PROB1: variants seen among roughly 807,000 people sequenced by gnomAD.
The protein encoded by PROB1 is proline-rich basic protein 1.
For missense variants in PROB1, 1,453 were observed against 1,485.7 expected (o/e 0.98, Z 0.36); for synonymous variants, 660 against 699.3 (o/e 0.94, Z 0.89).
Position 139,393,302 on chromosome 5 carries a change from G to C in PROB1, c.1780C>G (p.Pro594Ala). ...VAAPEPPGSH[P>A]VGTLDADKCP... ...TTATCCGCGTCCAGGGTGCCCACAG[G>C]GTGGCTGCCGGGCGGCTCGGGTGCT... Residue 594 changes from proline (P) to alanine (A), a missense_variant, in exon 1 of 1, where the codon CCT (proline) becomes GCT (alanine). Physicochemically the swap from Pro to Ala is conservative, Grantham distance 27. Transcript: ENST00000434752. 1 of 1,550,620 alleles carries C rather than the reference G, an allele frequency of 6.4e-7. No homozygotes were observed. The highest frequency in any genetic ancestry group is 2.4e-5 in the East Asian group (1 of 40,922).
chr5:139,391,730 A>G lies in PROB1; in HGVS notation c.*304T>C, dbSNP rs1758603452. 3.5e-6 allele frequency: 1 copy of G among 286,124 alleles called. No individual in the cohort carries two copies. Among genetic ancestry groups the G allele is most frequent in the Non-Finnish European group, 6.5e-6 (1 of 154,012 alleles). The allele number at this position is 286,124 out of a possible 1,614,324, so 17.7% of individuals were successfully genotyped here. A position where few individuals can be genotyped will look rare whatever the true frequency, so the allele number is the denominator to read the frequency against. On this transcript the variant is annotated 3_prime_UTR_variant, in exon 1 of 1. Transcript: ENST00000434752. This position sits in a 1 kb window ranked among gnomAD's most constrained non-coding sequence, Gnocchi z 4.8. The stretch of plus-strand genomic sequence containing the variant: ...AGCCCAGGGATGCCTCACTTTCCCT[A>G]TTTGCTTGCCCGCATATACACATAT...
rs1383768923 is a variant in PROB1, at chr5:139,395,082, G to A, written c.-1C>T. The A allele has an allele frequency of 6.4e-6, 9 of 1,399,878 alleles. No individual in the cohort carries two copies. The East Asian group carries it at 2.7e-4, about 42-fold the overall frequency. 86.7% of individuals were successfully genotyped at this position (1,399,878 alleles called of 1,614,324 possible). On this transcript the variant is annotated 5_prime_UTR_variant, in exon 1 of 1. Coordinates refer to ENST00000434752, the MANE Select transcript of PROB1 (RefSeq NM_001161546.2). ...CTGGCGGGGCGAGCGCGGTCAGCAT[G>A]GTGGGGCCGGACGCCGTGCACTATC...
Position 139,393,627 on chromosome 5 carries a change from T to C in PROB1, c.1455A>G (p.Ala485=). The C allele has an allele frequency of 6.5e-7, 1 of 1,548,884 alleles. No individual in the cohort carries two copies. Among genetic ancestry groups the C allele is most frequent in the Non-Finnish European group, 8.7e-7 (1 of 1,146,346 alleles). The change falls in exon 1 of 1, where the codon GCA becomes GCG. Residue 485 remains alanine, a synonymous_variant. Transcript: ENST00000434752. ...APSLWEIPHS[A]VADAVEPRSS... is the part of the protein sequence containing the mutation. ...TACGTGGCTCCACCGCATCCGCGAC[T>C]GCCGAATGTGGAATCTCCCACAGGG...
In PROB1 at chr5:139,393,508, A is replaced by G. The variant is rs1284638648; in HGVS notation, c.1574T>C (p.Met525Thr). 3.9e-6 allele frequency: 6 copies of G among 1,551,366 alleles called. No individual in the cohort carries two copies. In the African/African-American group the frequency reaches 6.8e-5, roughly 18 times the overall value. The change falls in exon 1 of 1, where the codon ATG (methionine) becomes ACG (threonine). Residue 525 changes from methionine (M) to threonine (T), a missense_variant. Met to Thr is a moderately conservative substitution (Grantham distance 81). Transcript: ENST00000434752. ...GPSPQETWDP[M>T]GPGSSIAFTQ... ...AAATGCTATCGATGAGCCCGGCCCC[A>G]TGGGATCCCATGTCTCTTGGGGAGA... is the stretch of plus-strand genomic sequence containing the variant.
In PROB1 at chr5:139,394,942, C is replaced by T; in HGVS notation, c.140G>A (p.Gly47Glu). ...APGSPEPPDV[G>E]PDAKGPANWP... The stretch of plus-strand genomic sequence containing the variant: ...ATTCGCTGGGCCTTTCGCGTCCGGC[C>T]CAACGTCCGGGGGCTCCGGAGAACC... Residue 47 changes from glycine to glutamate, a missense_variant, in exon 1 of 1, where the codon GGG (glycine) becomes GAG (glutamate). By Grantham distance (98) the Gly-to-Glu change is moderately conservative (BLOSUM62 -2). Transcript: ENST00000434752. 2.6e-6 allele frequency: 4 copies of T among 1,521,312 alleles called. No homozygotes were observed. The highest frequency in any genetic ancestry group is 3.5e-6 in the Non-Finnish European group (4 of 1,135,936). 94.2% of individuals were successfully genotyped at this position (1,521,312 alleles called of 1,614,324 possible).
In PROB1 at chr5:139,390,953, C is replaced by T. The variant is rs1031718415; in HGVS notation, c.*1081G>A. 1 of 152,416 alleles carries T rather than the reference C, an allele frequency of 6.6e-6. No homozygotes were observed. Among genetic ancestry groups the T allele is most frequent in the Non-Finnish European group, 1.5e-5 (1 of 68,196 alleles). The allele number at this position is 152,416 out of a possible 1,614,324, so 9.4% of individuals were successfully genotyped here. On this transcript the variant is annotated 3_prime_UTR_variant, in exon 1 of 1. Coordinates refer to ENST00000434752, the MANE Select transcript of PROB1 (RefSeq NM_001161546.2). ...ACAGACCCCCACGCACACCACCTCC[C>T]ACCTCATGCAGACCCCCCTCATCTC...
chr5:139,392,101 A>G lies in PROB1; in HGVS notation c.2981T>C (p.Leu994Pro). Residue 994 changes from leucine to proline, a missense_variant, in exon 1 of 1, where the codon CTC becomes CCC. By Grantham distance (98) the Leu-to-Pro change is moderately conservative (BLOSUM62 -3). Coordinates refer to ENST00000434752, the MANE Select transcript of PROB1 (RefSeq NM_001161546.2). This position sits in a 1 kb window ranked among gnomAD's most constrained non-coding sequence, Gnocchi z 5.8. ...SGTPNPAPPL[L>P]LCAPPSSSGP... The stretch of plus-strand genomic sequence containing the variant: ...TGAGCTGGAGGGCGGCGCACAGAGG[A>G]GCAGAGGAGGTGCGGGGTTGGGGGT... 7.1e-7 allele frequency: 1 copy of G among 1,417,836 alleles called. No individual in the cohort carries two copies. Among genetic ancestry groups the G allele is most frequent in the South Asian group, 1.6e-5 (1 of 64,356 alleles). The allele number at this position is 1,417,836 out of a possible 1,614,324, so 87.8% of individuals were successfully genotyped here.
Position 139,394,604 on chromosome 5 carries a change from C to T in PROB1, c.478G>A (p.Val160Ile), listed in dbSNP as rs1001682220. Reference protein sequence around the residue: ...SPAAVPRQSQVPDGGSRWATY... With the variant: ...SPAAVPRQSQIPDGGSRWATY... ...GCCCAGCGGGAGCCACCATCGGGGACCTGGGACTGGCGTGGGACCGCGGCG... is the reference window on the plus strand; with the variant it reads ...GCCCAGCGGGAGCCACCATCGGGGATCTGGGACTGGCGTGGGACCGCGGCG... Residue 160 changes from valine to isoleucine, a missense_variant, in exon 1 of 1, where the codon GTC (valine) becomes ATC (isoleucine). Physicochemically the swap from Val to Ile is conservative, Grantham distance 29. Coordinates refer to ENST00000434752, the MANE Select transcript of PROB1 (RefSeq NM_001161546.2). 3 of 1,532,472 alleles carry T rather than the reference C, an allele frequency of 2.0e-6. No individual in the cohort carries two copies. The African/African-American group carries it at 4.2e-5, about 21-fold the overall frequency. The allele number at this position is 1,532,472 out of a possible 1,614,324, so 94.9% of individuals were successfully genotyped here.
Position 139,393,057 on chromosome 5 carries a change from G to C in PROB1, c.2025C>G (p.Ala675=). ...TQEPPALGPP[A]PAHYTSVFIK... ...TGAAAACGGAAGTGTAGTGAGCCGG[G>C]GCGGGGGGCCCCAGTGCTGGCGGCT... is the stretch of plus-strand genomic sequence containing the variant. The change falls in exon 1 of 1, where the codon GCC becomes GCG. Residue 675 remains alanine, a synonymous_variant. Transcript: ENST00000434752. The C allele has an allele frequency of 6.5e-7, 1 of 1,532,264 alleles. No individual in the cohort carries two copies. The highest frequency in any genetic ancestry group is 8.8e-7 in the Non-Finnish European group (1 of 1,138,440). 94.9% of individuals were successfully genotyped at this position (1,532,264 alleles called of 1,614,324 possible). A position where few individuals can be genotyped will look rare whatever the true frequency, so the allele number is the denominator to read the frequency against.
rs960225048 is a variant in PROB1 at position 139,392,684 on chromosome 5, G to T, written c.2398C>A (p.Arg800Ser). The T allele has an allele frequency of 1.2e-5, 17 of 1,394,656 alleles. No individual in the cohort carries two copies. Among genetic ancestry groups the T allele is most frequent in the Non-Finnish European group, 1.6e-5 (17 of 1,074,210 alleles). The allele number at this position is 1,394,656 out of a possible 1,614,324, so 86.4% of individuals were successfully genotyped here. A position where few individuals can be genotyped will look rare whatever the true frequency, so the allele number is the denominator to read the frequency against. ...GCTTGCATCTGAGGGGAGCCGGGGC[G>T]GGGCGATCGGACCCCTGCTGGCCCT... The part of the protein sequence containing the change: ...PVGPAGVRSP[R>S]PGSPQMQASP... Residue 800 changes from arginine (R) to serine (S), a missense_variant, in exon 1 of 1, where the codon CGC becomes AGC. Transcript: ENST00000434752. This position sits in a 1 kb window ranked among gnomAD's most constrained non-coding sequence, Gnocchi z 5.8.
Position 139,392,306 on chromosome 5 carries a change from GC to G in PROB1, c.2775del (p.His927ThrfsTer57). On this transcript the variant is annotated frameshift_variant, in exon 1 of 1. Coordinates refer to ENST00000434752, the MANE Select transcript of PROB1 (RefSeq NM_001161546.2). LOFTEE classifies it low-confidence loss of function (END_TRUNC). The surrounding 1 kb of genome is among the most constrained non-coding windows in gnomAD (Gnocchi z 5.8). The stretch of plus-strand genomic sequence containing the variant: ...GCCAGAGGGGTGTAGACGCGGTGGG[GC>G]GGCCCGGGAGACGAGGGCGGCAGCA... The part of the protein sequence containing the change: ...EVLLPPSSPG[P>X]PHRVYTPLAL... 6.7e-7 allele frequency: 1 copy of G among 1,496,060 alleles called. No individual in the cohort carries two copies. Among genetic ancestry groups the G allele is most frequent in the Admixed American group, 2.1e-5 (1 of 46,810 alleles). The allele number at this position is 1,496,060 out of a possible 1,614,324, so 92.7% of individuals were successfully genotyped here.
Position 139,392,356 on chromosome 5 carries a change from T to A in PROB1, c.2726A>T (p.Glu909Val). Residue 909 changes from glutamate to valine, a missense_variant, in exon 1 of 1, where the codon GAG (glutamate) becomes GTG (valine). Coordinates refer to ENST00000434752, the MANE Select transcript of PROB1 (RefSeq NM_001161546.2). This position sits in a 1 kb window ranked among gnomAD's most constrained non-coding sequence, Gnocchi z 5.8. ...QPRLRVLFDP[E>V]SGQYVEVLLP... The stretch of plus-strand genomic sequence containing the variant: ...CAACACCTCCACGTACTGCCCACTC[T>A]CAGGGTCGAAGAGCACCCGCAGCCG... 6.5e-7 allele frequency: 1 copy of A among 1,529,610 alleles called. No homozygotes were observed. The highest frequency in any genetic ancestry group is 8.8e-7 in the Non-Finnish European group (1 of 1,139,300). The allele number at this position is 1,529,610 out of a possible 1,614,324, so 94.8% of individuals were successfully genotyped here.
In PROB1 at chr5:139,393,201, C is replaced by G; in HGVS notation, c.1881G>C (p.Val627=). ...PRMAIPRPRD[V]RKLVKTTYAP... ...CGTACGTGGTCTTCACCAACTTGCG[C>G]ACGTCTCGAGGCCGCGGAATGGCCA... The change falls in exon 1 of 1, where the codon GTG becomes GTC. Residue 627 remains valine (V), a synonymous_variant. Transcript: ENST00000434752. 6.5e-7 allele frequency: 1 copy of G among 1,549,618 alleles called. No homozygotes were observed. The highest frequency in any genetic ancestry group is 1.2e-5 in the South Asian group (1 of 84,044).
Position 139,393,485 on chromosome 5 carries a change from A to G in PROB1, c.1597T>C (p.Phe533Leu), listed in dbSNP as rs574701701. The G allele has an allele frequency of 1.9e-6, 3 of 1,551,544 alleles. No individual in the cohort carries two copies. The highest frequency in any genetic ancestry group is 3.9e-5 in the Admixed American group (2 of 51,002). ...AACCCATTCTGAGCTTCCTGAGTAA[A>G]TGCTATCGATGAGCCCGGCCCCATG... is the stretch of plus-strand genomic sequence containing the variant. The part of the protein sequence containing the change: ...DPMGPGSSIA[F>L]TQEAQNGLTQ... The change falls in exon 1 of 1, where the codon TTT becomes CTT. Residue 533 changes from phenylalanine (F) to leucine (L), a missense_variant. By Grantham distance (22) the Phe-to-Leu change is conservative. Transcript: ENST00000434752.
In PROB1 at chr5:139,393,405, T is replaced by C; in HGVS notation, c.1677A>G (p.Pro559=). The C allele has an allele frequency of 6.4e-7, 1 of 1,551,694 alleles. No homozygotes were observed. Among genetic ancestry groups the C allele is most frequent in the African/African-American group, 1.4e-5 (1 of 73,190 alleles). Residue 559 remains proline (P), a synonymous_variant, in exon 1 of 1, where the codon CCA becomes CCG. Transcript: ENST00000434752. ...GCGTGGATGGACTCTGCATCTCTGT[T>C]GGTTCTGGAGTGCCGGGTGCGGACG... The part of the protein sequence containing the change: ...PTPSAPGTPE[P]TEMQSPSTRE...
Position 139,393,145 on chromosome 5 carries a change from G to A in PROB1, c.1937C>T (p.Ser646Phe). ...GTCGGCAGGAGGCGCAGGCAGCCCA[G>A]AGCCTTGTGCTCCTGCCGGGAAGCC... ...APGFPAGAQG[S>F]GLPAPPADPC... The change falls in exon 1 of 1, where the codon TCT (serine) becomes TTT (phenylalanine). Residue 646 changes from serine to phenylalanine, a missense_variant. Coordinates refer to ENST00000434752, the MANE Select transcript of PROB1 (RefSeq NM_001161546.2). The A allele has an allele frequency of 1.3e-6, 2 of 1,543,890 alleles. No individual in the cohort carries two copies. The highest frequency in any genetic ancestry group is 1.2e-5 in the South Asian group (1 of 83,314).
chr5:139,394,623 C>G lies in PROB1; in HGVS notation c.459G>C (p.Ala153=), dbSNP rs1406060215. The G allele has an allele frequency of 6.5e-7, 1 of 1,533,816 alleles. No individual in the cohort carries two copies. Among genetic ancestry groups the G allele is most frequent in the Admixed American group, 2.0e-5 (1 of 50,828 alleles). The stretch of plus-strand genomic sequence containing the variant: ...CGGGGACCTGGGACTGGCGTGGGAC[C>G]GCGGCGGGAGACGCTGGCCCCGGCG... The part of the protein sequence containing the change: ...PLPPGPASPA[A]VPRQSQVPDG... The change falls in exon 1 of 1, where the codon GCG becomes GCC. Residue 153 remains alanine, a synonymous_variant. Coordinates refer to ENST00000434752, the MANE Select transcript of PROB1 (RefSeq NM_001161546.2).
At position 139,394,525 on chromosome 5, in the gene PROB1, A is replaced by C; in HGVS notation, c.557T>G (p.Phe186Cys). The C allele has an allele frequency of 6.8e-7, 1 of 1,466,832 alleles. No individual in the cohort carries two copies. The highest frequency in any genetic ancestry group is 1.4e-5 in the South Asian group (1 of 72,926). 90.9% of individuals were successfully genotyped at this position (1,466,832 alleles called of 1,614,324 possible). The stretch of plus-strand genomic sequence containing the variant: ...CTCCAGAGCCACCTCCACACACTCG[A>C]ACTGCGCTGGGGCGGCAGGACTTGG... Reference protein sequence around the residue: ...RGPSPAAPAQFECVEVALEEG... With the variant: ...RGPSPAAPAQCECVEVALEEG... Residue 186 changes from phenylalanine (F) to cysteine (C), a missense_variant, in exon 1 of 1, where the codon TTC (phenylalanine) becomes TGC (cysteine). Transcript: ENST00000434752.
Sources: gnomAD v4.1 joint callset for allele counts on GRCh38, gnomAD v4.1.1 for gene constraint, Gnocchi (gnomAD v3.1) non-coding constraint, MANE v1.5 for transcripts, NCBI Gene and HGNC (gene_info 2026-07-23, HGNC 2026-07-21) for gene names.